The following ZNF578 variants were observed in gnomAD, a reference collection of about 807,000 sequenced individuals.
ZNF578 encodes the protein zinc finger protein 578.
Under a neutral mutation model 8.3 loss-of-function variants are expected in ZNF578, and 8 were observed. The ratio of observed to expected loss-of-function variants is 0.96; its 90% CI spans 0.56 to 1.74. The LOEUF is 1.74. ZNF578 is among the 40% of genes most tolerant of loss of function. The pLI, the probability that ZNF578 is intolerant of heterozygous loss-of-function variation, is 0.00. For missense variants in ZNF578, 726 were observed against 707.5 expected (o/e 1.03, Z -0.30); for synonymous variants, 206 against 232.2 (o/e 0.89, Z 1.03).
intron 3 of ZNF578, among the ~76,000 whole-genome samples, chr19:52,500,412 T>A (rs2059402632): frequency 1.3e-5 from 2 of 150,376 alleles, no homozygotes; most frequent in South Asian, 4.2e-4. Flanking sequence ...AGTTTCCTTT[T>A]TTTTTTTTTT....
chr19:52,461,639 T>G (rs2059258292), intron 2 of ZNF578, among the ~76,000 whole-genome samples: 1 of 152,184 alleles, frequency 6.6e-6, no homozygotes, highest in South Asian at 2.1e-4. Context: ...GCAACAGTTT[T>G]GACATTTAAT....
In ZNF578 at chr19:52,516,121, A is replaced by G. The variant is rs865797695; in HGVS notation, c.*3967A>G. Among the ~76,000 whole-genome samples the G allele has an allele frequency of 5.0e-4, 76 of 151,750 alleles. No individual in the cohort carries two copies. Among genetic ancestry groups the G allele is most frequent in the African/African-American group, 1.6e-3 (68 of 41,386 alleles). ...ATCAAAACCCTTCCTGTCTCAGGTC[A>G]TTGTCCCTGCTCTTACCCTATGTAC... On this transcript the variant is annotated 3_prime_UTR_variant, in exon 6 of 6. Coordinates refer to ENST00000421239, the MANE Select transcript of ZNF578 (RefSeq NM_001099694.2).
intron 2 of ZNF578, among the ~76,000 whole-genome samples, chr19:52,461,426 A>G (rs1470829392): frequency 4.6e-5 from 7 of 152,154 alleles, no homozygotes; most frequent in East Asian, 1.9e-4. Context: ...TATTTTGCCA[A>G]TTATTTACAT....
chr19:52,467,257 G>A (rs553928980), intron 2 of ZNF578, among the ~76,000 whole-genome samples: 83 of 151,926 alleles, frequency 5.5e-4, no homozygotes, highest in African/African-American at 2.0e-3. Flanking sequence ...GTGATCTGCT[G>A]GCCTCAGCCT....
intron 3 of ZNF578, among the ~76,000 whole-genome samples, chr19:52,501,243 C>G (rs7246790): frequency 0.19 from 29,022 of 152,158 alleles, 2,988 homozygotes; most frequent in Non-Finnish European, 0.23. Flanking sequence ...TGGCCCCAAG[C>G]GGAGGGCAGA....
intron 2 of ZNF578, among the ~76,000 whole-genome samples, chr19:52,485,852 C>A (rs1453963504): frequency 1.3e-5 from 2 of 152,300 alleles, no homozygotes; most frequent in East Asian, 3.9e-4. Flanking sequence ...AGGACCTCTG[C>A]CTAGGAAAGC....
intron 2 of ZNF578, among the ~76,000 whole-genome samples, chr19:52,485,381 G>T (rs1049769366): frequency 2.6e-5 from 4 of 152,164 alleles, no homozygotes; most frequent in African/African-American, 9.7e-5. Flanking sequence ...CTTTAGCAGG[G>T]ATTCTTATTC....
intron 1 of ZNF578, chr19:52,456,265 G>C (rs945098506): frequency 2.0e-5 from 3 of 152,040 alleles, no homozygotes; most frequent in African/African-American, 7.3e-5. Context: ...AGGACCCAAG[G>C]GGAGACCAGA....
chr19:52,498,000 C>T (rs1190331441), intron 3 of ZNF578, among the ~76,000 whole-genome samples: 1 of 152,140 alleles, frequency 6.6e-6, no homozygotes, highest in African/African-American at 2.4e-5. Flanking sequence ...GCCTCTTTTT[C>T]AGTGTTTTAA....
chr19:52,463,456 A>G (rs10410134), intron 2 of ZNF578, among the ~76,000 whole-genome samples: 137,078 of 152,126 alleles, frequency 0.9, 62,297 homozygotes, highest in Non-Finnish European at 0.96. Flanking sequence ...GCACTGAGGT[A>G]AGTCAAAATT....
chr19:52,503,667 A>G (rs1284769956), intron 4 of ZNF578, among the ~76,000 whole-genome samples: 1 of 152,060 alleles, frequency 6.6e-6, no homozygotes, highest in Non-Finnish European at 1.5e-5. Flanking sequence ...TTAGATTCGG[A>G]CTTTTCTTTG....
At position 52,512,089 on chromosome 19, in the gene ZNF578, A is replaced by G. The variant is rs776425071; in HGVS notation, c.1708A>G (p.Asn570Asp). ...IHSGEKPYKC[N>D]ECGKAHNHLI... ...TAGCGGAGAGAAACCTTACAAGTGT[A>G]ATGAGTGTGGTAAGGCTCACAATCA... Residue 570 changes from asparagine to aspartate, a missense_variant, in exon 6 of 6, where the codon AAT becomes GAT. Coordinates refer to ENST00000421239, the MANE Select transcript of ZNF578 (RefSeq NM_001099694.2). 5 of 1,613,930 alleles carry G rather than the reference A, an allele frequency of 3.1e-6. No homozygotes were observed. Among genetic ancestry groups the G allele is most frequent in the Middle Eastern group, 1.7e-4 (1 of 6,060 alleles).
At chr19:52,504,293 A>G (rs944040734) in intron 4 of ZNF578, among the ~76,000 whole-genome samples, 21 of 151,390 alleles carry the variant, frequency 1.4e-4, no homozygotes, top group Admixed American at 3.3e-4. Context: ...TTTCCACCAC[A>G]TTGGCCAGGG....
Position 52,514,783 on chromosome 19 carries a change from C to G in ZNF578, c.*2629C>G, listed in dbSNP as rs635117. Among the ~76,000 whole-genome samples the G allele has an allele frequency of 0.19, 28,381 of 151,886 alleles. 2,910 individuals are homozygous for G. Among genetic ancestry groups the G allele is most frequent in the Non-Finnish European group, 0.23 (15,449 of 67,940 alleles). On this transcript the variant is annotated 3_prime_UTR_variant, in exon 6 of 6. Coordinates refer to ENST00000421239, the MANE Select transcript of ZNF578 (RefSeq NM_001099694.2). ...GATCAAGTGATGCTCCTGCCTCAGT[C>G]TCCTGAGGAGCTGGAATTACAGGCA...
At chr19:52,454,345 A>G (rs962804273) in intron 1 of ZNF578, 10 of 152,228 alleles carry the variant, frequency 6.6e-5, no homozygotes, top group Non-Finnish European at 1.3e-4. Flanking sequence ...TCGGTGTCCC[A>G]TAATTTACCT....
Position 52,453,802 on chromosome 19 carries a change from C to G in ZNF578, c.-213+195C>G, listed in dbSNP as rs1385301273. ...TTTCCCTGAGCTCTCTGCCTTCGGG[C>G]CACGTAGACGCTTTTCGTCCCGTTT... On this transcript the variant is annotated intron_variant, in intron 1 of 5. Coordinates refer to ENST00000421239, the MANE Select transcript of ZNF578 (RefSeq NM_001099694.2). 4 of 126,520 alleles carry G rather than the reference C, an allele frequency of 3.2e-5. No individual in the cohort carries two copies. The East Asian group carries it at 8.6e-4, about 27-fold the overall frequency. 7.8% of individuals were successfully genotyped at this position (126,520 alleles called of 1,614,324 possible). A position where few individuals can be genotyped will look rare whatever the true frequency, so the allele number is the denominator to read the frequency against.
intron 4 of ZNF578, among the ~76,000 whole-genome samples, chr19:52,503,665 G>A (rs1228471820): frequency 4.6e-5 from 7 of 151,976 alleles, no homozygotes; most frequent in South Asian, 2.1e-4. Flanking sequence ...TTTTAGATTC[G>A]GACTTTTCTT....
chr19:52,515,296 ATTTC>A lies in ZNF578; in HGVS notation c.*3145_*3148del, dbSNP rs1568470077. 2.6e-5 allele frequency among the ~76,000 whole-genome samples: 4 copies of A among 151,872 alleles called. No individual in the cohort carries two copies. In the South Asian group the frequency reaches 8.3e-4, roughly 32 times the overall value. On this transcript the variant is annotated 3_prime_UTR_variant, in exon 6 of 6. Coordinates refer to ENST00000421239, the MANE Select transcript of ZNF578 (RefSeq NM_001099694.2). ...TATTCTTGATTGAAATAATTTGCTT[ATTTC>A]TTAGTTCTACAGCTGACCCTCTTTC...
At chr19:52,482,026 T>A (rs2059328160) in intron 2 of ZNF578, among the ~76,000 whole-genome samples, 1 of 151,920 alleles carries the variant, frequency 6.6e-6, no homozygotes, top group South Asian at 2.1e-4. Context: ...AGCCACCACA[T>A]CTGGCCTACA....
Sources: gnomAD v4.1 joint callset for allele counts (sites outside exome capture counted in the v4.1 genomes callset) on GRCh38, gnomAD v4.1.1 for gene constraint, MANE v1.5 for transcripts, NCBI Gene and HGNC (gene_info 2026-07-23, HGNC 2026-07-21) for gene names.